The following SMURF2 variants were observed in gnomAD, a reference collection of about 807,000 sequenced individuals.
SMURF2 encodes the protein E3 ubiquitin-protein ligase SMURF2.
In SMURF2, 48 loss-of-function variants were observed where a neutral mutation model predicts 109.6. The ratio of observed to expected loss-of-function variants is 0.44; its 90% CI spans 0.35 to 0.56. The LOEUF is 0.56. SMURF2 is among the 20% of genes least tolerant of loss of function. The pLI, the probability that SMURF2 is intolerant of heterozygous loss-of-function variation, is 0.01. For missense variants in SMURF2, 575 were observed against 909.0 expected, an observed-to-expected ratio of 0.63 and a Z score of 4.72; for synonymous variants, 288 against 317.1, an observed-to-expected ratio of 0.91 and a Z score of 0.97.
intron 1 of SMURF2, among the ~76,000 whole-genome samples, chr17:64,631,815 AT>A (rs1255129384): frequency 1.3e-5 from 2 of 152,206 alleles, no homozygotes; most frequent in Non-Finnish European, 2.9e-5. Context: ...CATGGTGCTT[AT>A]GCACGTTATA....
At chr17:64,601,526 A>G (rs144464371) in intron 2 of SMURF2, among the ~76,000 whole-genome samples, 84 of 152,324 alleles carry the variant, frequency 5.5e-4, no homozygotes, top group African/African-American at 1.7e-3. Flanking sequence ...AAGAATGGCC[A>G]TAATCAAAAA....
At chr17:64,645,841 C>G (rs1555692936) in intron 1 of SMURF2, among the ~76,000 whole-genome samples, 1 of 152,114 alleles carries the variant, frequency 6.6e-6, no homozygotes. Flanking sequence ...CTATTAATGA[C>G]TATTACTTAT....
intron 5 of SMURF2, among the ~76,000 whole-genome samples, chr17:64,590,001 TCTCTAA>T (rs1969727506): frequency 6.6e-6 from 1 of 151,946 alleles, no homozygotes; most frequent in Non-Finnish European, 1.5e-5. Flanking sequence ...CTCTGATGGT[TCTCTAA>T]CTATGAACCC....
chr17:64,583,346 G>T, intron 7 of SMURF2, 115 bp downstream of exon 7: 1 of 774,262 alleles, frequency 1.3e-6, no homozygotes, highest in Non-Finnish European at 2.2e-6. Context: ...AAGATCTACT[G>T]ATCTACGACA....
chr17:64,562,280 C>T (rs1398928398), intron 11 of SMURF2, among the ~76,000 whole-genome samples: 7 of 94,812 alleles, frequency 7.4e-5, no homozygotes, highest in East Asian at 2.7e-4. Flanking sequence ...CGACAGACTC[C>T]GTCTCAAAAA....
rs782298029 is a variant in SMURF2, at chr17:64,593,513, C to T, written c.261G>A (p.Lys87=). ...ISVWNHKKIH[K]KQGAGFLGCV... The stretch of plus-strand genomic sequence containing the variant: ...AACCGAGAAATCCAGCACCTTGTTT[C>T]TTATGGATCTTCTTGTGATTCCATA... The change falls in exon 4 of 19, where the codon AAG becomes AAA. Residue 87 remains lysine (K), a synonymous_variant. Coordinates refer to ENST00000262435, the MANE Select transcript of SMURF2 (RefSeq NM_022739.4). The T allele has an allele frequency of 6.2e-7, 1 of 1,607,386 alleles. No individual in the cohort carries two copies. The highest frequency in any genetic ancestry group is 8.5e-7 in the Non-Finnish European group (1 of 1,176,108).
At position 64,586,238 on chromosome 17, in the gene SMURF2, T is replaced by C. The variant is rs548774891; in HGVS notation, c.401-68A>G. 4 of 1,053,412 alleles carry C rather than the reference T, an allele frequency of 3.8e-6. No homozygotes were observed. In the South Asian group the frequency reaches 4.8e-5, roughly 13 times the overall value. The allele number at this position is 1,053,412 out of a possible 1,614,324, so 65.3% of individuals were successfully genotyped here. A position where few individuals can be genotyped will look rare whatever the true frequency, so the allele number is the denominator to read the frequency against. On this transcript the variant is annotated intron_variant, in intron 5 of 18. Transcript: ENST00000262435. ...AAGAACTATTATAATCTAAAATTTC[T>C]ATCTTCAGAAGACATCTGACTTAGC...
rs569191140 is a variant in SMURF2 at position 64,625,961 on chromosome 17, C to T, written c.53-19321G>A. Among the ~76,000 whole-genome samples, 13 of 152,246 alleles carry T rather than the reference C, an allele frequency of 8.5e-5. No individual in the cohort carries two copies. In the South Asian group the frequency reaches 2.5e-3, roughly 29 times the overall value. The stretch of plus-strand genomic sequence containing the variant: ...CCACATACTCTTCCAAATGATTCTA[C>T]ATTAAGAACCTCATTAAAGAACAAC... On this transcript the variant is annotated intron_variant, in intron 1 of 18. Coordinates refer to ENST00000262435, the MANE Select transcript of SMURF2 (RefSeq NM_022739.4).
At chr17:64,572,524 T>C (rs902624137) in intron 9 of SMURF2, among the ~76,000 whole-genome samples, 2 of 152,230 alleles carry the variant, frequency 1.3e-5, no homozygotes, top group Non-Finnish European at 2.9e-5. Context: ...CTGTTTAAGA[T>C]ACATTACCAA....
intron 1 of SMURF2, among the ~76,000 whole-genome samples, chr17:64,661,249 C>T (rs1970770862): frequency 1.3e-5 from 2 of 152,132 alleles, no homozygotes; most frequent in Admixed American, 1.3e-4. Context: ...GAAAAGTCAA[C>T]CTGTCTCCTC....
intron 1 of SMURF2, among the ~76,000 whole-genome samples, chr17:64,635,669 T>C (rs1274630904): frequency 6.6e-6 from 1 of 152,266 alleles, no homozygotes; most frequent in African/African-American, 2.4e-5. Context: ...TATTCCCTTT[T>C]ATGGCTGAAT....
chr17:64,654,197 C>T (rs1301676921), intron 1 of SMURF2, among the ~76,000 whole-genome samples: 1 of 152,146 alleles, frequency 6.6e-6, no homozygotes, highest in African/African-American at 2.4e-5. Flanking sequence ...AAAAATGAAT[C>T]ATCGAGGTTT....
chr17:64,655,569 T>C (rs1378241503), intron 1 of SMURF2, among the ~76,000 whole-genome samples: 1 of 151,934 alleles, frequency 6.6e-6, no homozygotes, highest in Admixed American at 6.6e-5. Context: ...CCAATGAAAC[T>C]TCTTATTAAA....
rs1225831240 is a variant in SMURF2 at position 64,555,804 on chromosome 17, A to G, written c.1610+16T>C. 1 of 1,535,070 alleles carries G rather than the reference A, an allele frequency of 6.5e-7. No homozygotes were observed. Among genetic ancestry groups the G allele is most frequent in the African/African-American group, 1.4e-5 (1 of 72,552 alleles). On this transcript the variant is annotated intron_variant, in intron 14 of 18. Coordinates refer to ENST00000262435, the MANE Select transcript of SMURF2 (RefSeq NM_022739.4). Reference sequence around the variant, plus strand: ...CTCAGAGTTTATAATGAAGAGATAGAAGACTCAATACATACAGTATCCACA... The same window carrying G: ...CTCAGAGTTTATAATGAAGAGATAGGAGACTCAATACATACAGTATCCACA...
chr17:64,573,252 G>GGGAGGA (rs199836561), intron 9 of SMURF2, among the ~76,000 whole-genome samples: 1 of 22,238 alleles, frequency 4.5e-5, no homozygotes, highest in African/African-American at 3.2e-4. Flanking sequence ...GGAGGAGGAG[G>GGGAGGA]GGAGGAGGAG....
intron 1 of SMURF2, among the ~76,000 whole-genome samples, chr17:64,631,978 G>T (rs1257254706): frequency 1.6e-4 from 16 of 98,796 alleles, no homozygotes; most frequent in African/African-American, 4.1e-4. Flanking sequence ...GGGGGGGGGG[G>T]GGTGGACAGA....
At chr17:64,641,875 C>T (rs767374437) in intron 1 of SMURF2, among the ~76,000 whole-genome samples, 2 of 152,302 alleles carry the variant, frequency 1.3e-5, no homozygotes, top group East Asian at 1.9e-4. Flanking sequence ...GGCACAATCT[C>T]GGCTCACTGC....
intron 1 of SMURF2, among the ~76,000 whole-genome samples, chr17:64,615,356 CTTT>C (rs2144688103): frequency 6.6e-6 from 1 of 152,250 alleles, no homozygotes; most frequent in South Asian, 2.1e-4. Context: ...AGCATAAATG[CTTT>C]TGAACACAGA....
chr17:64,551,495 G>C (rs1489363910), intron 16 of SMURF2, 89 bp downstream of exon 16: 6 of 1,401,068 alleles, frequency 4.3e-6, no homozygotes, highest in Non-Finnish European at 5.9e-6. Context: ...GAAAGCACCA[G>C]AAATATGCTT....
Sources: gnomAD v4.1 joint callset for allele counts (sites outside exome capture counted in the v4.1 genomes callset) on GRCh38, gnomAD v4.1.1 for gene constraint, MANE v1.5 for transcripts, NCBI Gene and HGNC (gene_info 2026-07-23, HGNC 2026-07-21) for gene names.